DGKG: variants seen among roughly 807,000 people sequenced by gnomAD.
The protein encoded by DGKG is diacylglycerol kinase gamma, also known as DAG kinase gamma.
A neutral mutation model predicts 105.3 loss-of-function variants in DGKG; 78 were observed. That is an observed-to-expected ratio of 0.74 (90% CI 0.62 to 0.89). The LOEUF (loss-of-function observed/expected upper bound fraction) is 0.89. Among genes scored for constraint, DGKG ranks in the 40% least tolerant of loss-of-function variants. The probability of loss-of-function intolerance (pLI) is 0.00; values close to 1 mark genes in which losing one functional copy is unlikely to be tolerated. For missense variants in DGKG, 958 were observed against 1,020.1 expected, an observed-to-expected ratio of 0.94 and a Z score of 0.83; for synonymous variants, 346 against 367.1, an observed-to-expected ratio of 0.94 and a Z score of 0.66.
intron 20 of DGKG, among the ~76,000 whole-genome samples, chr3:186,241,241 A>AAGCCCAGTTC (rs1720670702): frequency 6.6e-6 from 1 of 152,142 alleles, no homozygotes; most frequent in Non-Finnish European, 1.5e-5. Context: ...CTGGGCTTTA[A>AAGCCCAGTTC]ATGAATGTCT....
chr3:186,268,141 A>C (rs1458444458), intron 12 of DGKG, among the ~76,000 whole-genome samples: 2 of 152,228 alleles, frequency 1.3e-5, no homozygotes, highest in African/African-American at 4.8e-5. Flanking sequence ...GAACAAACTC[A>C]TGGATGGCTG....
At chr3:186,150,312 T>C in intron 24 of DGKG, 124 bp from the exon 25 acceptor site, 1 of 1,295,804 alleles carries the variant, frequency 7.7e-7, no homozygotes, top group East Asian at 2.6e-5. Flanking sequence ...GAAGGACAAC[T>C]GTCCTTGAAC....
intron 12 of DGKG, among the ~76,000 whole-genome samples, 162 bp downstream of exon 12, chr3:186,268,639 G>A (rs776109156): frequency 2.0e-5 from 3 of 152,218 alleles, no homozygotes; most frequent in Non-Finnish European, 4.4e-5. Context: ...ATTCACTGGA[G>A]CATCGTTAGG....
In DGKG at chr3:186,245,945, A is replaced by T. The variant is rs536369375; in HGVS notation, c.1762-3377T>A. 1.4e-3 allele frequency among the ~76,000 whole-genome samples: 207 copies of T among 152,230 alleles called. 2 individuals carry two copies. The highest frequency in any genetic ancestry group is 4.5e-3 in the African/African-American group (188 of 41,546). On this transcript the variant is annotated intron_variant, in intron 19 of 24. Transcript: ENST00000265022. The stretch of plus-strand genomic sequence containing the variant: ...AAACAACAACAACAAAAAAAAACAG[A>T]TGAAGTTAATATTTAAAACAATTTT...
At chr3:186,221,123 A>G (rs1005771879) in intron 20 of DGKG, among the ~76,000 whole-genome samples, 3 of 152,190 alleles carry the variant, frequency 2.0e-5, no homozygotes. Flanking sequence ...CTGAGGCCAG[A>G]GAGTCTCTCC....
intron 1 of DGKG, among the ~76,000 whole-genome samples, chr3:186,354,469 A>T (rs541126091): frequency 1.3e-5 from 2 of 152,338 alleles, no homozygotes; most frequent in East Asian, 1.9e-4. Context: ...CTTCCAACGC[A>T]AAACACACAG....
intron 20 of DGKG, among the ~76,000 whole-genome samples, chr3:186,221,422 T>C (rs1719573605): frequency 6.6e-6 from 1 of 152,136 alleles, no homozygotes; most frequent in African/African-American, 2.4e-5. Flanking sequence ...GAGTTATTCG[T>C]GGAAAGAAAA....
chr3:186,343,402 C>T (rs551246959), intron 1 of DGKG, among the ~76,000 whole-genome samples: 60 of 152,228 alleles, frequency 3.9e-4, no homozygotes, highest in African/African-American at 1.3e-3. Flanking sequence ...GTGATCCTCC[C>T]ACCTCAGCCT....
rs766743721 is a variant in DGKG, at chr3:186,153,108, C to T, written c.2278-2920G>A. On this transcript the variant is annotated intron_variant, in intron 24 of 24. Transcript: ENST00000265022. ...CAAATCTCTCCTGCTTGTTTTTCAGCGGTTCTGACAAAGGTCTTGACAGGG... is the reference window on the plus strand; with the variant it reads ...CAAATCTCTCCTGCTTGTTTTTCAGTGGTTCTGACAAAGGTCTTGACAGGG... Among the ~76,000 whole-genome samples, 4 of 151,938 alleles carry T rather than the reference C, an allele frequency of 2.6e-5. 1 individual carries two copies. The highest frequency in any genetic ancestry group is 6.6e-5 in the Admixed American group (1 of 15,250).
At chr3:186,259,454 G>C (rs1352370963) in intron 16 of DGKG, among the ~76,000 whole-genome samples, 1 of 152,202 alleles carries the variant, frequency 6.6e-6, no homozygotes, top group Non-Finnish European at 1.5e-5. Flanking sequence ...ATCATGGCAG[G>C]TGTACTGAAT....
At chr3:186,261,539 G>C (rs746585408) in intron 15 of DGKG, among the ~76,000 whole-genome samples, 160 bp downstream of exon 15, 10 of 152,134 alleles carry the variant, frequency 6.6e-5, no homozygotes, top group Non-Finnish European at 1.5e-4. Context: ...ACCGAGGCCC[G>C]GGGACATTAA....
chr3:186,307,885 T>A (rs1278916300), intron 2 of DGKG, among the ~76,000 whole-genome samples: 1 of 151,740 alleles, frequency 6.6e-6, no homozygotes, highest in Non-Finnish European at 1.5e-5. Flanking sequence ...CTGTCCCTTT[T>A]TTTTTTTTTT....
rs34134152 is a variant in DGKG at position 186,243,895 on chromosome 3, G to GTTTTTT, written c.1762-1333_1762-1328dup. On this transcript the variant is annotated intron_variant, in intron 19 of 24. Coordinates refer to ENST00000265022, the MANE Select transcript of DGKG (RefSeq NM_001346.3). ...CTATTTCTTATATGAAAATTTCTGTGTTTTTTTTTTTTTTTTTTGAGATGG... is the reference window on the plus strand; with the variant it reads ...CTATTTCTTATATGAAAATTTCTGTGTTTTTTTTTTTTTTTTTTTTTTTTGAGATGG... Among the ~76,000 whole-genome samples, 15 of 116,316 alleles carry GTTTTTT rather than the reference G, an allele frequency of 1.3e-4. 2 individuals carry two copies. The highest frequency in any genetic ancestry group is 2.5e-4 in the African/African-American group (7 of 27,558). 76.3% of individuals were successfully genotyped at this position (116,316 alleles called of 152,430 possible).
intron 19 of DGKG, among the ~76,000 whole-genome samples, chr3:186,243,641 C>T (rs146979239): frequency 2.6e-5 from 4 of 152,232 alleles, no homozygotes; most frequent in East Asian, 1.9e-4. Flanking sequence ...GAATGTGTAA[C>T]GCCCCTTCAC....
rs527442405 is a variant in DGKG at position 186,284,554 on chromosome 3, A to T, written c.594+106T>A. 6.0e-5 allele frequency: 58 copies of T among 970,726 alleles called. No individual in the cohort carries two copies. The African/African-American group carries it at 9.0e-4, about 15-fold the overall frequency. The allele number at this position is 970,726 out of a possible 1,614,324, so 60.1% of individuals were successfully genotyped here. A position where few individuals can be genotyped will look rare whatever the true frequency, so the allele number is the denominator to read the frequency against. ...CCTCAGCCTGCATCGAGACATTGCT[A>T]TTACTACAAAGACGGAACTGAACAT... is the stretch of plus-strand genomic sequence containing the variant. On this transcript the variant is annotated intron_variant, in intron 7 of 24. Transcript: ENST00000265022. This position sits in a 1 kb window ranked among gnomAD's most constrained non-coding sequence, Gnocchi z 4.0.
At chr3:186,179,017 G>A (rs979001178) in intron 22 of DGKG, among the ~76,000 whole-genome samples, 1 of 152,196 alleles carries the variant, frequency 6.6e-6, no homozygotes, top group Non-Finnish European at 1.5e-5. Flanking sequence ...AAACTTCAGC[G>A]TATGTGCGAT....
intron 22 of DGKG, among the ~76,000 whole-genome samples, chr3:186,169,806 G>C (rs1471963818): frequency 2.6e-5 from 4 of 152,192 alleles, no homozygotes; most frequent in Non-Finnish European, 4.4e-5. Context: ...GTCAAAGAAA[G>C]AACAAGGAAG....
chr3:186,200,831 C>A (rs978568317), intron 21 of DGKG, among the ~76,000 whole-genome samples: 1 of 152,226 alleles, frequency 6.6e-6, no homozygotes, highest in African/African-American at 2.4e-5. Context: ...GTACACACAA[C>A]CTGCTTAAGA....
intron 21 of DGKG, among the ~76,000 whole-genome samples, chr3:186,196,301 C>A (rs111236425): frequency 6.6e-6 from 1 of 152,012 alleles, no homozygotes; most frequent in African/African-American, 2.4e-5. Context: ...CCACGCCCAG[C>A]TAATTTTTTG....
Sources: allele counts gnomAD v4.1 joint callset (sites outside exome capture counted in the v4.1 genomes callset), GRCh38; gene constraint gnomAD v4.1.1; non-coding constraint Gnocchi (gnomAD v3.1); transcripts MANE v1.5; gene names NCBI Gene and HGNC (gene_info 2026-07-23, HGNC 2026-07-21).